Variants in DMD observed in about 807,000 individuals in gnomAD.
DMD encodes the protein dystrophin.
In DMD, 63 loss-of-function variants were observed where a neutral mutation model predicts 330.1. The ratio of observed to expected loss-of-function variants is 0.19; its 90% CI spans 0.16 to 0.24. DMD has a LOEUF of 0.24. Ranked by LOEUF, DMD falls within the 10% of genes least tolerant of loss-of-function variation. The probability of loss-of-function intolerance (pLI) is 1.00; values close to 1 mark genes in which losing one functional copy is unlikely to be tolerated. For missense variants in DMD, 3,344 were observed against 2,684.1 expected, an observed-to-expected ratio of 1.25 and a Z score of -5.43; for synonymous variants, 1,223 against 959.8, an observed-to-expected ratio of 1.27 and a Z score of -5.07.
At chrX:31,928,923 TC>T (rs1193882153) in intron 47 of DMD, among the ~76,000 whole-genome samples, 1 of 111,752 alleles carries the variant, frequency 8.9e-6, no homozygotes, top group Non-Finnish European at 1.9e-5. Context: ...ACATACAAGT[TC>T]TCTTGATTTA....
intron 60 of DMD, among the ~76,000 whole-genome samples, chrX:31,393,958 A>G (rs2060800804): frequency 8.9e-6 from 1 of 112,670 alleles, no homozygotes; most frequent in Non-Finnish European, 1.9e-5. Flanking sequence ...AAGGCTTACA[A>G]GATGATGATA....
intron 41 of DMD, among the ~76,000 whole-genome samples, chrX:32,332,201 T>C (rs1022562805): frequency 1.1e-4 from 12 of 111,621 alleles, no homozygotes; most frequent in Non-Finnish European, 1.9e-4. Context: ...TTTTATGAAT[T>C]AAACAAATAT....
chrX:32,197,433 T>C (rs914942737), intron 44 of DMD, among the ~76,000 whole-genome samples: 1 of 112,029 alleles, frequency 8.9e-6, no homozygotes, highest in African/African-American at 3.2e-5. Flanking sequence ...GTAGAATTAT[T>C]TGGAAATTTT....
intron 11 of DMD, among the ~76,000 whole-genome samples, chrX:32,616,114 A>G (rs1460259079): frequency 9.0e-6 from 1 of 111,160 alleles, no homozygotes; most frequent in East Asian, 2.8e-4. Flanking sequence ...GAAAGACCAC[A>G]GAAGTAATGG....
At chrX:32,176,673 T>G (rs760411794) in intron 44 of DMD, among the ~76,000 whole-genome samples, 1 of 111,261 alleles carries the variant, frequency 9.0e-6, no homozygotes, top group Non-Finnish European at 1.9e-5. Context: ...AGGCAAATGC[T>G]TGTCACAAGT....
chrX:33,162,052 T>C (rs2048797178), intron 1 of DMD, among the ~76,000 whole-genome samples: 1 of 111,573 alleles, frequency 9.0e-6, no homozygotes, highest in African/African-American at 3.3e-5. Flanking sequence ...CTGGGGGTAG[T>C]GTGACTAAGA....
chrX:33,095,754 T>C (rs146001766), intron 1 of DMD, among the ~76,000 whole-genome samples: 1,328 of 110,928 alleles, frequency 0.012, 10 homozygotes, highest in South Asian at 0.054. Context: ...CAGTATCAAC[T>C]TCTGCATTGA....
chrX:32,394,921 A>AC (rs1557326842), intron 30 of DMD, among the ~76,000 whole-genome samples: 15 of 63,749 alleles, frequency 2.4e-4, no homozygotes, highest in East Asian at 1.3e-3. Context: ...AAAAACAAAA[A>AC]AAAAAAAAAA....
chrX:32,702,605 C>T (rs887564492), intron 7 of DMD, among the ~76,000 whole-genome samples: 29 of 111,111 alleles, frequency 2.6e-4, no homozygotes, highest in Admixed American at 2.3e-3. Flanking sequence ...AGGGTGACAC[C>T]ATCAAAATTT....
chrX:32,845,914 T>G (rs762362065), intron 3 of DMD, among the ~76,000 whole-genome samples: 22 of 112,260 alleles, frequency 2.0e-4, no homozygotes, highest in Non-Finnish European at 4.1e-4. Flanking sequence ...ACAAGAGAAT[T>G]CGACATACTT....
At chrX:31,722,735 C>A (rs2085665282) in intron 52 of DMD, among the ~76,000 whole-genome samples, 1 of 110,661 alleles carries the variant, frequency 9.0e-6, no homozygotes, top group South Asian at 3.9e-4. Context: ...GGAAACCATA[C>A]AGTGTAGCAT....
intron 59 of DMD, among the ~76,000 whole-genome samples, chrX:31,465,118 G>A (rs1054433224): frequency 7.2e-5 from 8 of 111,639 alleles, no homozygotes; most frequent in Admixed American, 1.9e-4. Context: ...GAGATGAGAG[G>A]GAATACATGG....
intron 9 of DMD, among the ~76,000 whole-genome samples, chrX:32,684,851 C>T (rs2062735686): frequency 9.0e-6 from 1 of 110,926 alleles, no homozygotes; most frequent in Admixed American, 9.7e-5. Flanking sequence ...TATATGAGGG[C>T]TATCAATCCT....
chrX:31,932,545 C>T (rs992100564), intron 45 of DMD, among the ~76,000 whole-genome samples: 8 of 111,265 alleles, frequency 7.2e-5, no homozygotes, highest in African/African-American at 2.0e-4. Flanking sequence ...CAGGAGTTTG[C>T]GACCAGCCTG....
At chrX:32,776,310 G>A (rs1452803422) in intron 7 of DMD, among the ~76,000 whole-genome samples, 1 of 105,899 alleles carries the variant, frequency 9.4e-6, no homozygotes, top group Non-Finnish European at 1.9e-5. Context: ...TCCAACCTCT[G>A]CCAGTTACCC....
chrX:32,492,278 C>T (rs1278746090), intron 19 of DMD, among the ~76,000 whole-genome samples: 1 of 112,153 alleles, frequency 8.9e-6, no homozygotes, highest in Non-Finnish European at 1.9e-5. Flanking sequence ...GCGGAGCTTG[C>T]AGTGAGCGGA....
At chrX:31,928,333 C>T (rs893347851) in intron 47 of DMD, among the ~76,000 whole-genome samples, 4 of 111,435 alleles carry the variant, frequency 3.6e-5, no homozygotes, top group Non-Finnish European at 5.7e-5. Flanking sequence ...AGGCTGGGCG[C>T]GGTGGCTCAC....
At chrX:31,913,004 G>C (rs1331050612) in intron 47 of DMD, among the ~76,000 whole-genome samples, 1 of 112,493 alleles carries the variant, frequency 8.9e-6, no homozygotes, top group East Asian at 2.8e-4. Flanking sequence ...GAGACACATG[G>C]AGAAGACAAT....
At chrX:33,110,582 A>G (rs952335060) in intron 1 of DMD, among the ~76,000 whole-genome samples, 1 of 111,877 alleles carries the variant, frequency 8.9e-6, no homozygotes, top group Non-Finnish European at 1.9e-5. Context: ...TTGGTAATAA[A>G]TTCACAGATA....
Sources: gnomAD v4.1 joint callset for allele counts (sites outside exome capture counted in the v4.1 genomes callset) on GRCh38, gnomAD v4.1.1 for gene constraint, MANE v1.5 for transcripts, NCBI Gene and HGNC (gene_info 2026-07-23, HGNC 2026-07-21) for gene names.